The following DHRSX variants were observed in gnomAD, a reference collection of about 807,000 sequenced individuals.
DHRSX encodes the protein polyprenol dehydrogenase.
Under a neutral mutation model 34.0 loss-of-function variants are expected in DHRSX, and 31 were observed. The ratio of observed to expected loss-of-function variants is 0.91; its 90% CI spans 0.69 to 1.23. DHRSX has a LOEUF of 1.23. DHRSX is among the 50% of genes most tolerant of loss of function. The pLI, the probability that DHRSX is intolerant of heterozygous loss-of-function variation, is 0.00. For synonymous variants in DHRSX, 201 were observed against 183.8 expected, an observed-to-expected ratio of 1.09 and a Z score of -0.76; for missense variants, 414 against 428.1, an observed-to-expected ratio of 0.97 and a Z score of 0.29.
chrX:2,221,375 G>T, intron 6 of DHRSX, 146 bp from the exon 7 acceptor site: 1 of 784,368 alleles, frequency 1.3e-6, no homozygotes, highest in Non-Finnish European at 2.0e-6. Flanking sequence ...GAGGTTGGGT[G>T]ATCAATCTGA....
At chrX:2,464,133 C>T (rs1230069908) in intron 1 of DHRSX, among the ~76,000 whole-genome samples, 1 of 151,570 alleles carries the variant, frequency 6.6e-6, no homozygotes, top group African/African-American at 2.4e-5. Flanking sequence ...CCGCCATGTA[C>T]GCACTGAAGA....
rs999420495 is a variant in DHRSX at position 2,428,043 on chromosome X, G to A, written c.110-2739C>T. On this transcript the variant is annotated intron_variant, in intron 1 of 6. Coordinates refer to ENST00000334651, the MANE Select transcript of DHRSX (RefSeq NM_145177.3). ...TACCACATGTTATCCCTTATAAGCG[G>A]GAATTAAATAATGTGTACACGTCGA... Among the ~76,000 whole-genome samples the A allele has an allele frequency of 2.0e-5, 3 of 152,050 alleles. No individual in the cohort carries two copies. The South Asian group carries it at 6.2e-4, about 32-fold the overall frequency.
intron 3 of DHRSX, among the ~76,000 whole-genome samples, chrX:2,292,384 T>G (rs1191929461): frequency 6.6e-6 from 1 of 152,174 alleles, no homozygotes; most frequent in African/African-American, 2.4e-5. Context: ...ACACTTTGGT[T>G]ATAGCCCAGT....
At chrX:2,282,804 AAGAG>A (rs2041738143) in intron 4 of DHRSX, among the ~76,000 whole-genome samples, 1 of 64,220 alleles carries the variant, frequency 1.6e-5, no homozygotes, top group Non-Finnish European at 3.7e-5. Flanking sequence ...AGAAAGAGAG[AAGAG>A]AGAAAGAGAG....
At chrX:2,381,752 C>T (rs1014034185) in intron 3 of DHRSX, among the ~76,000 whole-genome samples, 7 of 132,948 alleles carry the variant, frequency 5.3e-5, no homozygotes, top group African/African-American at 2.0e-4. Context: ...ACCTTTGTTC[C>T]AACAGTGGCA....
In DHRSX at chrX:2,221,242, G is replaced by A; in HGVS notation, c.805-13C>T. On this transcript the variant is annotated splice_polypyrimidine_tract_variant and intron_variant, in intron 6 of 6. Coordinates refer to ENST00000334651, the MANE Select transcript of DHRSX (RefSeq NM_145177.3). ...CTTCATCGGGGGTCTGGTGGAAGAA[G>A]AAAAGAAGGCTACGATGAGTCAAAT... 6.2e-7 allele frequency: 1 copy of A among 1,610,728 alleles called. No individual in the cohort carries two copies. Among genetic ancestry groups the A allele is most frequent in the Non-Finnish European group, 8.5e-7 (1 of 1,178,372 alleles).
At chrX:2,375,604 TGGTTGGTTGGTC>T (rs1472662301) in intron 3 of DHRSX, among the ~76,000 whole-genome samples, 1 of 134,898 alleles carries the variant, frequency 7.4e-6, no homozygotes, top group Non-Finnish European at 1.8e-5. Context: ...ATGGGATGGT[TGGTTGGTTGGTC>T]GGTTGGTTGG....
chrX:2,354,755 C>T (rs1371213364), intron 3 of DHRSX, among the ~76,000 whole-genome samples: 4 of 152,134 alleles, frequency 2.6e-5, no homozygotes, highest in African/African-American at 4.8e-5. Flanking sequence ...CCACTGCGCT[C>T]GGCCTCTGTC....
chrX:2,361,786 TTGAC>T (rs1451127350), intron 3 of DHRSX, among the ~76,000 whole-genome samples: 1 of 152,202 alleles, frequency 6.6e-6, no homozygotes, highest in African/African-American at 2.4e-5. Context: ...GCACTTTTGA[TTGAC>T]TGTCTGATTA....
At chrX:2,267,067 C>T (rs986597416) in intron 4 of DHRSX, 120 bp from the exon 5 acceptor site, 73 of 973,338 alleles carry the variant, frequency 7.5e-5, no homozygotes, top group Admixed American at 6.2e-4. Flanking sequence ...GTAGAGCTGG[C>T]GGCCATGTCT....
intron 6 of DHRSX, among the ~76,000 whole-genome samples, chrX:2,225,909 G>C (rs935925491): frequency 6.6e-6 from 1 of 151,358 alleles, no homozygotes; most frequent in African/African-American, 2.4e-5. Flanking sequence ...GAAATGGACT[G>C]AGACAGCTCA....
chrX:2,482,539 A>G (rs930335352), intron 1 of DHRSX, among the ~76,000 whole-genome samples: 8 of 152,226 alleles, frequency 5.3e-5, no homozygotes, highest in African/African-American at 1.7e-4. Context: ...TGCTGGGATG[A>G]CAGGTGTGAG....
intron 2 of DHRSX, among the ~76,000 whole-genome samples, chrX:2,409,537 G>C (rs1288572478): frequency 6.6e-6 from 1 of 151,924 alleles, no homozygotes; most frequent in Non-Finnish European, 1.5e-5. Context: ...TTGGTTTTCT[G>C]TTCCTGCGTT....
At chrX:2,348,191 C>T (rs1371265872) in intron 3 of DHRSX, among the ~76,000 whole-genome samples, 2 of 152,156 alleles carry the variant, frequency 1.3e-5, no homozygotes, top group Non-Finnish European at 2.9e-5. Flanking sequence ...GGGTAAGAGA[C>T]TAAAGCTTCT....
intron 3 of DHRSX, among the ~76,000 whole-genome samples, chrX:2,305,839 G>A (rs772331455): frequency 6.6e-6 from 1 of 151,574 alleles, no homozygotes; most frequent in African/African-American, 2.4e-5. Context: ...GGGGCCTGTT[G>A]GGGGGTGGGG....
rs138897606 is a variant in DHRSX at position 2,489,742 on chromosome X, G to A, written c.109+11075C>T. The A allele has an allele frequency of 2.8e-4, 450 of 1,613,178 alleles. 1 individual carries two copies. In the African/African-American group the frequency reaches 4.3e-3, roughly 15 times the overall value. ...TCTCATAGAGCATGTACATGGCCAC[G>A]GCAGACTGCTGGAAGTACTCCACCA... On this transcript the variant is annotated intron_variant, in intron 1 of 6. Coordinates refer to ENST00000334651, the MANE Select transcript of DHRSX (RefSeq NM_145177.3).
chrX:2,232,041 T>TC (rs1326233912), intron 6 of DHRSX, among the ~76,000 whole-genome samples: 2 of 42,920 alleles, frequency 4.7e-5, no homozygotes, highest in African/African-American at 1.7e-4. Context: ...CTCCTCCTTT[T>TC]TCTCTTTCTA....
intron 1 of DHRSX, among the ~76,000 whole-genome samples, chrX:2,463,898 G>A (rs2044439531): frequency 6.6e-6 from 1 of 152,174 alleles, no homozygotes; most frequent in Non-Finnish European, 1.5e-5. Context: ...AACTGAAGAC[G>A]TTTTCTAAGA....
chrX:2,400,425 C>T (rs2043471786), intron 3 of DHRSX, among the ~76,000 whole-genome samples: 1 of 152,142 alleles, frequency 6.6e-6, no homozygotes, highest in Non-Finnish European at 1.5e-5. Context: ...TTGGAGTTCT[C>T]GCTCTGTTTG....
Sources: gnomAD v4.1 joint callset for allele counts (sites outside exome capture counted in the v4.1 genomes callset) on GRCh38, gnomAD v4.1.1 for gene constraint, MANE v1.5 for transcripts, NCBI Gene and HGNC (gene_info 2026-07-23, HGNC 2026-07-21) for gene names.